ATAD1: variants seen among roughly 807,000 people sequenced by gnomAD.
ATAD1 encodes outer mitochondrial transmembrane helix translocase.
Under a neutral mutation model 42.7 loss-of-function variants are expected in ATAD1, and 18 were observed. That is an observed-to-expected ratio of 0.42 (90% CI 0.29 to 0.63). The LOEUF is 0.63. ATAD1 is among the 20% of genes least tolerant of loss of function. ATAD1 has a pLI of 0.19. For synonymous variants in ATAD1, 132 were observed against 143.1 expected (o/e 0.92, Z 0.55); for missense variants, 294 against 440.4 (o/e 0.67, Z 2.98).
At chr10:87,838,067 T>A (rs1857960851) in intron 1 of ATAD1, among the ~76,000 whole-genome samples, 1 of 152,204 alleles carries the variant, frequency 6.6e-6, no homozygotes, top group Non-Finnish European at 1.5e-5. Flanking sequence ...ATTTCTAGAC[T>A]GAGGTTCTGA....
At chr10:87,772,111 T>A (rs2131820787) in intron 6 of ATAD1, among the ~76,000 whole-genome samples, 1 of 152,338 alleles carries the variant, frequency 6.6e-6, no homozygotes, top group South Asian at 2.1e-4. Flanking sequence ...TTGAAAAATG[T>A]TAGTTCCACA....
Position 87,771,057 on chromosome 10 carries a change from A to G in ATAD1, c.691-16T>C, listed in dbSNP as rs2131816235. The G allele has an allele frequency of 6.3e-7, 1 of 1,594,084 alleles. No individual in the cohort carries two copies. The highest frequency in any genetic ancestry group is 2.2e-5 in the East Asian group (1 of 44,620). Reference sequence around the variant, plus strand: ...TTACTATGACCTAAGTGTATAAAGAAGACAGAAGGTATTAAATCTACCAAT... The same window carrying G: ...TTACTATGACCTAAGTGTATAAAGAGGACAGAAGGTATTAAATCTACCAAT... On this transcript the variant is annotated splice_polypyrimidine_tract_variant and intron_variant, in intron 6 of 9. Coordinates refer to ENST00000680024, the MANE Select transcript of ATAD1 (RefSeq NM_001321967.2).
At chr10:87,766,429 A>C (rs1305885520) in intron 8 of ATAD1, among the ~76,000 whole-genome samples, 1 of 152,226 alleles carries the variant, frequency 6.6e-6, no homozygotes, top group Non-Finnish European at 1.5e-5. Context: ...AAACAAAGAG[A>C]GACAACAGAA....
At chr10:87,770,707 T>C (rs1854989364) in intron 7 of ATAD1, among the ~76,000 whole-genome samples, 1 of 152,164 alleles carries the variant, frequency 6.6e-6, no homozygotes, top group South Asian at 2.1e-4. Flanking sequence ...AGTAAATCAC[T>C]AAAATAGCCA....
In ATAD1 at chr10:87,763,787, A is replaced by G. The variant is rs562422721; in HGVS notation, c.831+3886T>C. On this transcript the variant is annotated intron_variant, in intron 8 of 9. Transcript: ENST00000680024. Reference sequence around the variant, plus strand: ...TATCTGATCTCTTTAAAAAATAAATAAATCATTAGGACACAACTGAAAGAC... The same window carrying G: ...TATCTGATCTCTTTAAAAAATAAATGAATCATTAGGACACAACTGAAAGAC... Among the ~76,000 whole-genome samples the G allele has an allele frequency of 3.3e-5, 5 of 152,266 alleles. No homozygotes were observed. The East Asian group carries it at 7.7e-4, about 24-fold the overall frequency.
At chr10:87,782,778 T>C (rs1353731650) in intron 5 of ATAD1, among the ~76,000 whole-genome samples, 6 of 151,968 alleles carry the variant, frequency 3.9e-5, no homozygotes, top group African/African-American at 7.3e-5. Context: ...AGGAGGATCA[T>C]TGGACCCCAG....
chr10:87,824,552 A>G (rs1198482869), intron 1 of ATAD1, among the ~76,000 whole-genome samples: 2 of 152,224 alleles, frequency 1.3e-5, no homozygotes, highest in Non-Finnish European at 2.9e-5. Context: ...CAATACATGT[A>G]CAGTGCTGAG....
intron 8 of ATAD1, among the ~76,000 whole-genome samples, chr10:87,763,489 T>G (rs1159725736): frequency 1.3e-5 from 2 of 152,158 alleles, no homozygotes; most frequent in African/African-American, 4.8e-5. Context: ...CGAGACCCTT[T>G]CTCTACAAGA....
Position 87,756,508 on chromosome 10 carries a change from G to A in ATAD1, c.965+281C>T, listed in dbSNP as rs551192868. ...TCTTCAATATCTCCAATTTACATGG[G>A]AAATTTCCCCTCACATTTACATGTG... On this transcript the variant is annotated intron_variant, in intron 9 of 9. Transcript: ENST00000680024. Among the ~76,000 whole-genome samples the A allele has an allele frequency of 3.9e-5, 6 of 152,204 alleles. No homozygotes were observed. In the South Asian group the frequency reaches 1.2e-3, roughly 32 times the overall value.
At position 87,754,676 on chromosome 10, in the gene ATAD1, G is replaced by C; in HGVS notation, c.*11C>G. On this transcript the variant is annotated 3_prime_UTR_variant, in exon 10 of 10. Transcript: ENST00000680024. ...AACTAGATCACTGAACTGTACAAAT[G>C]ATCTTTACTCTTAATCTAAACAAAC... 6.2e-7 allele frequency: 1 copy of C among 1,610,842 alleles called. No individual in the cohort carries two copies. The highest frequency in any genetic ancestry group is 8.5e-7 in the Non-Finnish European group (1 of 1,178,830).
At chr10:87,804,426 A>G (rs1589541427) in intron 2 of ATAD1, among the ~76,000 whole-genome samples, 1 of 152,108 alleles carries the variant, frequency 6.6e-6, no homozygotes, top group Admixed American at 6.6e-5. Context: ...CTGGAATGCA[A>G]TGGTGAGATC....
intron 1 of ATAD1, among the ~76,000 whole-genome samples, chr10:87,826,577 T>C (rs562703553): frequency 2.0e-5 from 3 of 152,362 alleles, no homozygotes; most frequent in African/African-American, 7.2e-5. Flanking sequence ...GGTTTAGAAT[T>C]CTGTCCAGAT....
At chr10:87,760,316 G>T (rs975617740) in intron 8 of ATAD1, among the ~76,000 whole-genome samples, 1 of 152,110 alleles carries the variant, frequency 6.6e-6, no homozygotes, top group African/African-American at 2.4e-5. Flanking sequence ...GATAGTGAGT[G>T]AGTTCTCTCA....
chr10:87,818,083 T>TTCCC, intron 1 of ATAD1, 84 bp downstream of exon 1: 1 of 985,216 alleles, frequency 1.0e-6, no homozygotes. Flanking sequence ...CCTCCGGGGG[T>TTCCC]TCCCAGGTCC....
chr10:87,783,450 G>C (rs1323588354), intron 5 of ATAD1, among the ~76,000 whole-genome samples: 3 of 151,558 alleles, frequency 2.0e-5, no homozygotes, highest in African/African-American at 7.3e-5. Context: ...AATAACTGGA[G>C]TAAATTGATG....
chr10:87,781,914 G>C (rs1057023017), intron 5 of ATAD1, among the ~76,000 whole-genome samples: 1 of 151,938 alleles, frequency 6.6e-6, no homozygotes, highest in African/African-American at 2.4e-5. Context: ...CCAAGTGCTG[G>C]GATTACAGAT....
chr10:87,756,280 C>G (rs1854219482), intron 9 of ATAD1, among the ~76,000 whole-genome samples: 1 of 152,152 alleles, frequency 6.6e-6, no homozygotes, highest in South Asian at 2.1e-4. Flanking sequence ...AGGCAAGTGG[C>G]ATTTTAGGAA....
intron 8 of ATAD1, among the ~76,000 whole-genome samples, chr10:87,757,287 A>C (rs1433705484): frequency 3.3e-5 from 5 of 150,496 alleles, no homozygotes; most frequent in South Asian, 4.2e-4. Flanking sequence ...AAAAAAAAAA[A>C]CAAAACACTC....
intron 7 of ATAD1, 118 bp downstream of exon 7, chr10:87,770,834 T>C: frequency 1.3e-6 from 1 of 749,720 alleles, no homozygotes; most frequent in Non-Finnish European, 2.1e-6. Flanking sequence ...TTCTGCCCCA[T>C]TCCTTCCCTG....
Sources: allele counts gnomAD v4.1 joint callset (sites outside exome capture counted in the v4.1 genomes callset), GRCh38; gene constraint gnomAD v4.1.1; transcripts MANE v1.5; gene names NCBI Gene and HGNC (gene_info 2026-07-23, HGNC 2026-07-21).